Variants in ZNF333 observed in about 807,000 individuals in gnomAD.
The protein encoded by ZNF333 is zinc finger protein 333.
In ZNF333, 61 loss-of-function variants were observed where a neutral mutation model predicts 76.1. The ratio of observed to expected loss-of-function variants is 0.80; its 90% confidence interval spans 0.65 to 0.99. The LOEUF is 0.99. ZNF333 is among the 50% of genes least tolerant of loss of function. ZNF333 has a pLI of 0.00. For synonymous variants in ZNF333, 284 were observed against 305.0 expected, an observed-to-expected ratio of 0.93 and a Z score of 0.72; for missense variants, 717 against 822.4, an observed-to-expected ratio of 0.87 and a Z score of 1.57.
At chr19:14,725,570 A>C (rs937808122), downstream of ZNF333, among the ~76,000 whole-genome samples, 3 of 152,226 alleles carry the variant, frequency 2.0e-5, no homozygotes, top group African/African-American at 7.2e-5. Context: ...TTCCAAGAGA[A>C]GATGGTGGTA....
chr19:14,717,430 T>G, intron 10 of ZNF333: 2 of 563,454 alleles, frequency 3.5e-6, no homozygotes, highest in Non-Finnish European at 6.3e-6. Flanking sequence ...AATTACCTAC[T>G]ATTTCCTTCC....
Position 14,718,901 on chromosome 19 carries a change from A to G in ZNF333, c.1574A>G (p.Lys525Arg), listed in dbSNP as rs1292280162. 1.9e-6 allele frequency: 3 copies of G among 1,614,194 alleles called. No homozygotes were observed. The highest frequency in any genetic ancestry group is 2.2e-5 in the South Asian group (2 of 91,078). ...ACGAGCACTCATCTGAACGTGCACA[A>G]GAGGATACACACAGGGGAGAAACTG... is the stretch of plus-strand genomic sequence containing the variant. ...FRTSTHLNVHKRIHTGEKLYE... is the reference protein window; with the variant it reads ...FRTSTHLNVHRRIHTGEKLYE... The change falls in exon 12 of 12, where the codon AAG becomes AGG. Residue 525 changes from lysine to arginine, a missense_variant. Transcript: ENST00000292530.
intron 4 of ZNF333, among the ~76,000 whole-genome samples, chr19:14,698,913 T>TAG (rs1382650141): frequency 1.4e-4 from 3 of 21,686 alleles, no homozygotes; most frequent in East Asian, 1.9e-3. Flanking sequence ...TATATATATA[T>TAG]ATATATATAT....
chr19:14,719,722 T>C lies in ZNF333; in HGVS notation c.*397T>C. ...GTTGTTGGTTTCTAATTTAATTACA[T>C]GGTGAGAAGAGTATGTGGCCTCTTT... On this transcript the variant is annotated 3_prime_UTR_variant, in exon 12 of 12. Transcript: ENST00000292530. 1.0e-6 allele frequency: 1 copy of C among 1,004,616 alleles called. No individual in the cohort carries two copies. Among genetic ancestry groups the C allele is most frequent in the Non-Finnish European group, 1.2e-6 (1 of 842,242 alleles). 62.2% of individuals were successfully genotyped at this position (1,004,616 alleles called of 1,614,324 possible).
At chr19:14,711,401 T>C (rs1170002473) in intron 7 of ZNF333, among the ~76,000 whole-genome samples, 1 of 151,916 alleles carries the variant, frequency 6.6e-6, no homozygotes, top group East Asian at 1.9e-4. Flanking sequence ...TGAGGAATGA[T>C]TTAAAACACA....
chr19:14,704,419 G>A (rs964012763), intron 5 of ZNF333, among the ~76,000 whole-genome samples: 6 of 152,108 alleles, frequency 3.9e-5, no homozygotes, highest in Non-Finnish European at 7.3e-5. Flanking sequence ...TAAACAGCTG[G>A]GAGCTTAGAT....
At position 14,695,583 on chromosome 19, in the gene ZNF333, C is replaced by T; in HGVS notation, c.145C>T (p.Pro49Ser). The T allele has an allele frequency of 6.2e-7, 1 of 1,614,184 alleles. No homozygotes were observed. Among genetic ancestry groups the T allele is most frequent in the Non-Finnish European group, 8.5e-7 (1 of 1,180,032 alleles). ...ATGTGCAGGAACTCCACCATGCAAA[C>T]CCAGTTGTGTCTCCCAGCTGGGGCA... Reference protein sequence around the residue: ...LASRGTPPCKPSCVSQLGQRA... With the variant: ...LASRGTPPCKSSCVSQLGQRA... The change falls in exon 4 of 12, where the codon CCC (proline) becomes TCC (serine). Residue 49 changes from proline (P) to serine (S), a missense_variant. By Grantham distance (74) the Pro-to-Ser change is moderately conservative. Transcript: ENST00000292530.
chr19:14,722,263 C>G (rs1046672226), downstream of ZNF333, among the ~76,000 whole-genome samples: 51 of 152,346 alleles, frequency 3.3e-4, 1 homozygote, highest in African/African-American at 1.2e-3. Context: ...CTCCTCCTAT[C>G]AAGAGGTGGA....
chr19:14,709,348 A>T (rs1197856546), intron 7 of ZNF333: 3 of 152,258 alleles, frequency 2.0e-5, no homozygotes, highest in Non-Finnish European at 4.4e-5. Context: ...CCCTACTGAC[A>T]TCATTTTAAT....
Position 14,707,983 on chromosome 19 carries a change from G to T in ZNF333, c.511+1210G>T, listed in dbSNP as rs781084300. 7 of 400,750 alleles carry T rather than the reference G, an allele frequency of 1.7e-5. No individual in the cohort carries two copies. The Admixed American group carries it at 2.2e-4, about 13-fold the overall frequency. The allele number at this position is 400,750 out of a possible 1,614,324, so 24.8% of individuals were successfully genotyped here. Reference sequence around the variant, plus strand: ...TATTTTTGGTAAGTCTTCTGGGCCAGGCTCTATTTTGTTACTTCTTCTTTT... The same window carrying T: ...TATTTTTGGTAAGTCTTCTGGGCCATGCTCTATTTTGTTACTTCTTCTTTT... On this transcript the variant is annotated intron_variant, in intron 7 of 11. Coordinates refer to ENST00000292530, the MANE Select transcript of ZNF333 (RefSeq NM_032433.4).
intron 6 of ZNF333, chr19:14,706,160 G>T (rs1330851933): frequency 4.4e-6 from 2 of 457,382 alleles, no homozygotes; most frequent in Non-Finnish European, 8.8e-6. Context: ...CTCCAGTTCT[G>T]CTCCTGACAG....
intron 8 of ZNF333, 79 bp downstream of exon 8, chr19:14,715,549 G>T (rs1317655142): frequency 1.4e-6 from 2 of 1,382,496 alleles, no homozygotes; most frequent in Non-Finnish European, 1.0e-6. Flanking sequence ...GACCTGTCTG[G>T]ATCATCTCAT....
At chr19:14,729,986 TTGGCTAAAATGAC>T (rs1568567707) in intron 11 of ZNF333, among the ~76,000 whole-genome samples, 1 of 152,208 alleles carries the variant, frequency 6.6e-6, no homozygotes, top group Non-Finnish European at 1.5e-5. Context: ...GAGAAAGATT[TTGGCTAAAATGAC>T]TACTTTAGCC....
exon 12 of ZNF333, chr19:14,731,259 G>T: frequency 7.1e-7 from 1 of 1,409,512 alleles, no homozygotes; most frequent in South Asian, 1.2e-5. Flanking sequence ...GGATATCAAA[G>T]GATCACTACT....
At position 14,695,214 on chromosome 19, in the gene ZNF333, C is replaced by T. The variant is rs1053687489; in HGVS notation, c.127+81C>T. 42 of 1,535,746 alleles carry T rather than the reference C, an allele frequency of 2.7e-5. 1 individual carries two copies. The South Asian group carries it at 3.0e-4, about 11-fold the overall frequency. ...GCGCCTGCCATGTGAAGAAGACAGACGTGGCTTAGGCTTTGTGGCACTTAG... is the reference window on the plus strand; with the variant it reads ...GCGCCTGCCATGTGAAGAAGACAGATGTGGCTTAGGCTTTGTGGCACTTAG... On this transcript the variant is annotated intron_variant, in intron 3 of 11. Transcript: ENST00000292530.
Position 14,719,118 on chromosome 19 carries a change from A to G in ZNF333, c.1791A>G (p.Arg597=), listed in dbSNP as rs2042529403. The change falls in exon 12 of 12, where the codon CGA becomes CGG. Residue 597 remains arginine (R), a synonymous_variant. Coordinates refer to ENST00000292530, the MANE Select transcript of ZNF333 (RefSeq NM_032433.4). ...KKPYACQECG[R]AFGQSSHLIV... Reference sequence around the variant, plus strand: ...CCTATGCATGCCAGGAATGCGGGCGAGCCTTTGGTCAGTCTTCACATCTTA... The same window carrying G: ...CCTATGCATGCCAGGAATGCGGGCGGGCCTTTGGTCAGTCTTCACATCTTA... 1.2e-6 allele frequency: 2 copies of G among 1,614,122 alleles called. No individual in the cohort carries two copies.
chr19:14,724,321 T>C (rs1364801340), downstream of ZNF333, among the ~76,000 whole-genome samples: 3 of 152,196 alleles, frequency 2.0e-5, no homozygotes, highest in Non-Finnish European at 4.4e-5. Context: ...CATACATTGC[T>C]CTTCCCCACA....
At chr19:14,692,403 G>A (rs1388206727) in intron 1 of ZNF333, among the ~76,000 whole-genome samples, 1 of 152,198 alleles carries the variant, frequency 6.6e-6, no homozygotes, top group African/African-American at 2.4e-5. Flanking sequence ...TCCAGGAGCT[G>A]AGAACAGGTA....
chr19:14,710,427 A>C (rs2042242310), intron 7 of ZNF333, among the ~76,000 whole-genome samples: 1 of 152,234 alleles, frequency 6.6e-6, no homozygotes, highest in Non-Finnish European at 1.5e-5. Flanking sequence ...GAGGACTCAC[A>C]GGAGATGTCG....
Sources: allele counts gnomAD v4.1 joint callset (sites outside exome capture counted in the v4.1 genomes callset), GRCh38; gene constraint gnomAD v4.1.1; transcripts MANE v1.5; gene names NCBI Gene and HGNC (gene_info 2026-07-23, HGNC 2026-07-21).